NEK5: variants seen among roughly 807,000 people sequenced by gnomAD.
NEK5 encodes the protein serine/threonine-protein kinase Nek5.
A neutral mutation model predicts 109.2 loss-of-function variants in NEK5; 88 were observed. That is an observed-to-expected ratio of 0.81 (90% CI 0.68 to 0.96). The LOEUF is 0.96. Ranked by LOEUF, NEK5 falls within the 40% of genes least tolerant of loss-of-function variation. The pLI is 0.00. For missense variants in NEK5, 834 were observed against 920.7 expected (o/e 0.91, Z 1.22); for synonymous variants, 283 against 299.9 (o/e 0.94, Z 0.58).
At chr13:52,063,245 G>A (rs886767039) in intron 21 of NEK5, among the ~76,000 whole-genome samples, 10 of 152,326 alleles carry the variant, frequency 6.6e-5, no homozygotes, top group Non-Finnish European at 1.2e-4. Flanking sequence ...ACTGGTTTTC[G>A]TACTTTTTTG....
intron 22 of NEK5, among the ~76,000 whole-genome samples, chr13:52,050,616 T>G (rs1954495485): frequency 6.6e-6 from 1 of 151,704 alleles, no homozygotes; most frequent in Non-Finnish European, 1.5e-5. Context: ...TTCATCTTTT[T>G]TTTTTTTTTT....
Position 52,083,306 on chromosome 13 carries a change from T to C in NEK5, c.1526A>G (p.Asn509Ser). The C allele has an allele frequency of 6.2e-7, 1 of 1,613,406 alleles. No individual in the cohort carries two copies. The highest frequency in any genetic ancestry group is 8.5e-7 in the Non-Finnish European group (1 of 1,179,350). The part of the protein sequence containing the change: ...SHKTYLVKKS[N>S]LPVHQDASEG... ...AGATGCATCTTGATGGACAGGCAGG[T>C]TACTCTTCTTCACCAAATAGGTTTT... is the stretch of plus-strand genomic sequence containing the variant. The change falls in exon 17 of 24, where the codon AAC becomes AGC. Residue 509 changes from asparagine (N) to serine (S), a missense_variant. By Grantham distance (46) the Asn-to-Ser change is conservative. This residue lies in a region of NEK5 where 777 missense variants were observed against 824.7 expected (regional missense o/e 0.94). Coordinates refer to ENST00000684899, the MANE Select transcript of NEK5 (RefSeq NM_001365552.1).
At chr13:52,069,587 T>A (rs1458919378) in intron 20 of NEK5, among the ~76,000 whole-genome samples, 2 of 152,200 alleles carry the variant, frequency 1.3e-5, no homozygotes, top group African/African-American at 4.8e-5. Flanking sequence ...CAAATTTAGA[T>A]CACTACCTTG....
chr13:52,088,249 G>T (rs4943060), intron 14 of NEK5, among the ~76,000 whole-genome samples: 94,079 of 150,506 alleles, frequency 0.63, 30,266 homozygotes, highest in Middle Eastern at 0.71. Context: ...TTTGTTGTTG[G>T]TTTTTGTTTT....
intron 22 of NEK5, among the ~76,000 whole-genome samples, chr13:52,058,095 T>G (rs1374800259): frequency 1.3e-5 from 2 of 150,672 alleles, no homozygotes; most frequent in African/African-American, 2.4e-5. Context: ...ATAAGCAACT[T>G]CAGCAAAGTC....
chr13:52,056,077 C>G (rs1173292637), intron 22 of NEK5, among the ~76,000 whole-genome samples: 68 of 149,994 alleles, frequency 4.5e-4, no homozygotes, highest in African/African-American at 1.1e-3. Flanking sequence ...GACACACATA[C>G]GCTCAAAATA....
chr13:52,110,467 G>C (rs777424456), intron 6 of NEK5, 27 bp downstream of exon 6: 3 of 1,593,850 alleles, frequency 1.9e-6, no homozygotes, highest in Admixed American at 3.3e-5. Flanking sequence ...GATCAGTTCT[G>C]TCTTAGTCTT....
At chr13:52,112,195 T>A in intron 5 of NEK5, 73 bp downstream of exon 5, 1 of 780,826 alleles carries the variant, frequency 1.3e-6, no homozygotes, top group South Asian at 1.6e-5. Flanking sequence ...AGTCTACTAC[T>A]TATGACATTA....
At chr13:52,037,381 A>C (rs1954369598) in intron 23 of NEK5, among the ~76,000 whole-genome samples, 163 bp from the exon 24 acceptor site, 1 of 152,288 alleles carries the variant, frequency 6.6e-6, no homozygotes, top group Non-Finnish European at 1.5e-5. Flanking sequence ...TGGGAGAATC[A>C]GTCTTCTGTT....
rs1205999139 is a variant in NEK5 at position 52,074,001 on chromosome 13, G to A, written c.1722+1757C>T. Among the ~76,000 whole-genome samples the A allele has an allele frequency of 2.0e-5, 3 of 152,040 alleles. No individual in the cohort carries two copies. The South Asian group carries it at 6.2e-4, about 32-fold the overall frequency. ...ATGACATAAACAAATGGAAAAACAT[G>A]CCACATGCATGGATTGGAATAATCA... On this transcript the variant is annotated intron_variant, in intron 19 of 23. Transcript: ENST00000684899.
intron 22 of NEK5, among the ~76,000 whole-genome samples, chr13:52,053,321 G>C (rs1954524687): frequency 6.6e-6 from 1 of 152,060 alleles, no homozygotes; most frequent in Non-Finnish European, 1.5e-5. Context: ...AAAAAATAAA[G>C]TTGGAGGAAA....
chr13:52,110,067 C>A (rs1252940073), intron 7 of NEK5, among the ~76,000 whole-genome samples: 1 of 152,146 alleles, frequency 6.6e-6, no homozygotes, highest in Non-Finnish European at 1.5e-5. Flanking sequence ...GCCTATTTCA[C>A]GAAATTCTCT....
chr13:52,100,769 C>CTGTATTGTATGGGACAATACACA (rs1292258369), intron 11 of NEK5, among the ~76,000 whole-genome samples: 2 of 152,178 alleles, frequency 1.3e-5, no homozygotes, highest in African/African-American at 4.8e-5. Flanking sequence ...GGACAATACA[C>CTGTATTGTATGGGACAATACACA]AGTCCCATAC....
intron 14 of NEK5, among the ~76,000 whole-genome samples, 170 bp downstream of exon 14, chr13:52,089,077 G>A (rs956978799): frequency 6.5e-5 from 8 of 122,360 alleles, no homozygotes; most frequent in African/African-American, 2.4e-4. Flanking sequence ...GTGACAGAGC[G>A]AGACTCTGTC....
chr13:52,089,189 GA>G, intron 14 of NEK5, 57 bp downstream of exon 14: 1 of 1,088,256 alleles, frequency 9.2e-7, no homozygotes, highest in Non-Finnish European at 1.4e-6. Context: ...GAAAATCTGT[GA>G]ACAGAAAAAC....
chr13:52,060,487 T>C (rs1954603546), intron 22 of NEK5, among the ~76,000 whole-genome samples: 1 of 152,164 alleles, frequency 6.6e-6, no homozygotes, highest in African/African-American at 2.4e-5. Flanking sequence ...CCCAAGTAGC[T>C]GGGATTACAG....
chr13:52,083,124 G>A (rs1388737867), intron 17 of NEK5, 136 bp downstream of exon 17: 7 of 581,398 alleles, frequency 1.2e-5, no homozygotes, highest in Admixed American at 2.8e-5. Context: ...CCAACCTGGC[G>A]ACAGAGTGAG....
At chr13:52,119,538 G>C (rs1405227070) in intron 3 of NEK5, 123 bp from the exon 4 acceptor site, 1 of 512,242 alleles carries the variant, frequency 2.0e-6, no homozygotes, top group Non-Finnish European at 3.5e-6. Flanking sequence ...CTTTGAAAAC[G>C]ATCTTTCAAT....
intron 13 of NEK5, 132 bp from the exon 14 acceptor site, chr13:52,089,445 A>T (rs1000521993): frequency 1.6e-6 from 1 of 607,770 alleles, no homozygotes; most frequent in Non-Finnish European, 2.9e-6. Flanking sequence ...TTCAAGAAGT[A>T]GTTCACAGTT....
Sources: gnomAD v4.1 joint callset for allele counts (sites outside exome capture counted in the v4.1 genomes callset) on GRCh38, gnomAD v4.1.1 for gene constraint, gnomAD v4.1.1 regional missense constraint, MANE v1.5 for transcripts, NCBI Gene and HGNC (gene_info 2026-07-23, HGNC 2026-07-21) for gene names.